The following RRBP1 variants were observed in gnomAD, a reference collection of about 807,000 sequenced individuals.
RRBP1 encodes the protein ribosome-binding protein 1.
In RRBP1, 94 loss-of-function variants were observed where a neutral mutation model predicts 165.2. That is an observed-to-expected ratio of 0.57 (90% CI 0.48 to 0.68). RRBP1 has a LOEUF of 0.68. Ranked by LOEUF, RRBP1 falls within the 30% of genes least tolerant of loss-of-function variation. The pLI, the probability that RRBP1 is intolerant of heterozygous loss-of-function variation, is 0.00. For missense variants in RRBP1, 1,676 were observed against 1,763.0 expected, an observed-to-expected ratio of 0.95 and a Z score of 0.88; for synonymous variants, 680 against 714.5, an observed-to-expected ratio of 0.95 and a Z score of 0.77.
In RRBP1 at chr20:17,659,993, G is replaced by C. The variant is rs150851231; in HGVS notation, c.515C>G (p.Thr172Ser). ...CACCATCGGCACCTCCTTGGGAGCA[G>C]TTTCCAAGATGGCAGCCTTCGAAGT... The part of the protein sequence containing the change: ...VLTSKAAILE[T>S]APKEVPMVVV... Residue 172 changes from threonine to serine, a missense_variant, in exon 3 of 25, where the codon ACT becomes AGT. Thr to Ser is a moderately conservative substitution (Grantham distance 58). This residue lies in a region of RRBP1 where 392 missense variants were observed against 382.5 expected (regional missense o/e 1.02). Coordinates refer to ENST00000377813, the MANE Select transcript of RRBP1 (RefSeq NM_001365613.2). 2.5e-6 allele frequency: 4 copies of C among 1,611,238 alleles called. No individual in the cohort carries two copies. In the African/African-American group the frequency reaches 5.3e-5, roughly 22 times the overall value.
At chr20:17,638,186 T>A (rs1255159316) in intron 5 of RRBP1, among the ~76,000 whole-genome samples, 1 of 152,222 alleles carries the variant, frequency 6.6e-6, no homozygotes, top group East Asian at 1.9e-4. Context: ...ACCGGCCCAC[T>A]GCTGGCAGAC....
chr20:17,624,732 G>A, intron 12 of RRBP1, 64 bp from the exon 13 acceptor site: 1 of 1,217,952 alleles, frequency 8.2e-7, no homozygotes, highest in Admixed American at 2.0e-5. Context: ...CTAAGCTGGT[G>A]TCAGACAGGA....
intron 3 of RRBP1, among the ~76,000 whole-genome samples, chr20:17,657,802 T>C (rs1005145949): frequency 1.8e-4 from 28 of 152,218 alleles, no homozygotes; most frequent in Non-Finnish European, 2.9e-4. Flanking sequence ...TAATGCTCTA[T>C]AATGCTTTAC....
chr20:17,621,986 G>A, intron 13 of RRBP1, 39 bp from the exon 14 acceptor site: 3 of 1,524,950 alleles, frequency 2.0e-6, no homozygotes, highest in Middle Eastern at 1.7e-4. Context: ...GTGTTCAGCT[G>A]TGGAGGTGTG....
intron 3 of RRBP1, among the ~76,000 whole-genome samples, chr20:17,647,158 A>C (rs545014118): frequency 1.3e-5 from 2 of 152,252 alleles, no homozygotes; most frequent in African/African-American, 2.4e-5. Context: ...CTCTAGACAC[A>C]AAGTATGTAC....
intron 24 of RRBP1, 125 bp downstream of exon 24, chr20:17,614,612 G>GC: frequency 4.0e-6 from 5 of 1,252,874 alleles, no homozygotes; most frequent in Non-Finnish European, 4.4e-6. Context: ...GCCTCCCCTG[G>GC]GGCTCCCAGC....
At chr20:17,653,101 C>T (rs1234907291) in intron 3 of RRBP1, among the ~76,000 whole-genome samples, 2 of 152,216 alleles carry the variant, frequency 1.3e-5, no homozygotes, top group South Asian at 2.1e-4. Context: ...CAAGGCAAAA[C>T]GGCCAAGCAT....
intron 20 of RRBP1, among the ~76,000 whole-genome samples, chr20:17,618,344 G>C (rs1373204047): frequency 1.3e-5 from 2 of 152,188 alleles, no homozygotes; most frequent in African/African-American, 2.4e-5. Flanking sequence ...CCTTGAACAG[G>C]GGACCAGGTA....
At position 17,615,044 on chromosome 20, in the gene RRBP1, C is replaced by T. The variant is rs150009852; in HGVS notation, c.4051-164G>A. ...GGTGGTGACGACAGGGAGGAAACCG[C>T]CCATGCTGACCGTGAGGGCTGGGTC... On this transcript the variant is annotated intron_variant, in intron 23 of 24. Coordinates refer to ENST00000377813, the MANE Select transcript of RRBP1 (RefSeq NM_001365613.2). Among the ~76,000 whole-genome samples the T allele has an allele frequency of 5.2e-3, 795 of 152,284 alleles. 7 individuals carry two copies. The highest frequency in any genetic ancestry group is 0.019 in the African/African-American group (770 of 41,560).
intron 3 of RRBP1, among the ~76,000 whole-genome samples, chr20:17,649,274 G>A (rs1180870625): frequency 2.0e-5 from 3 of 152,190 alleles, no homozygotes; most frequent in Non-Finnish European, 2.9e-5. Context: ...AACTGCCGGC[G>A]AGAAGGGCAC....
intron 2 of RRBP1, among the ~76,000 whole-genome samples, chr20:17,665,122 C>CGGG (rs1568786914): frequency 2.0e-5 from 3 of 150,686 alleles, no homozygotes; most frequent in African/African-American, 7.4e-5. Context: ...GGGGGGGGGA[C>CGGG]ACACACACAT....
intron 2 of RRBP1, among the ~76,000 whole-genome samples, chr20:17,675,262 T>C (rs1369807051): frequency 6.6e-6 from 1 of 152,244 alleles, no homozygotes; most frequent in African/African-American, 2.4e-5. Context: ...GGCTCTGGAA[T>C]ATGTTTTTGT....
chr20:17,642,904 G>A, intron 4 of RRBP1, 75 bp downstream of exon 4: 1 of 1,471,944 alleles, frequency 6.8e-7, no homozygotes, highest in Non-Finnish European at 9.4e-7. Flanking sequence ...TCCTCTCTGT[G>A]GCAGAGGGAA....
rs1203810743 is a variant in RRBP1, at chr20:17,642,997, AATG to A, written c.2040_2042del (p.Ile681del). 2 of 1,613,912 alleles carry A rather than the reference AATG, an allele frequency of 1.2e-6. No individual in the cohort carries two copies. Among genetic ancestry groups the A allele is most frequent in the African/African-American group, 2.7e-5 (2 of 74,928 alleles). ...GGCCCACCTTGTGCCAGGTGTCCTGAATGATGCCAGCCTTCTCAGACAGGATCT... is the reference window on the plus strand; with the variant it reads ...GGCCCACCTTGTGCCAGGTGTCCTGAATGCCAGCCTTCTCAGACAGGATCT... On this transcript the variant is annotated inframe_deletion, in exon 4 of 25. Coordinates refer to ENST00000377813, the MANE Select transcript of RRBP1 (RefSeq NM_001365613.2).
chr20:17,679,279 G>A (rs1202911842), intron 2 of RRBP1, among the ~76,000 whole-genome samples: 1 of 152,236 alleles, frequency 6.6e-6, no homozygotes. Context: ...CAATGAGACA[G>A]CTGGGAATAG....
chr20:17,635,498 C>G (rs183842745), intron 7 of RRBP1, 48 bp downstream of exon 7: 3 of 1,412,734 alleles, frequency 2.1e-6, no homozygotes, highest in Middle Eastern at 2.1e-4. Flanking sequence ...AAGCCTTCCT[C>G]GCTCCAGGGC....
At chr20:17,654,421 T>G (rs1055963107) in intron 3 of RRBP1, among the ~76,000 whole-genome samples, 1 of 152,240 alleles carries the variant, frequency 6.6e-6, no homozygotes, top group African/African-American at 2.4e-5. Context: ...TGGATAAACT[T>G]GGAGGCTTAC....
At chr20:17,639,328 G>A (rs117644092) in intron 5 of RRBP1, among the ~76,000 whole-genome samples, 1,746 of 152,336 alleles carry the variant, frequency 0.011, 16 homozygotes, top group Admixed American at 0.019. Context: ...TACAGCAGAT[G>A]ATCCAAATTT....
intron 3 of RRBP1, among the ~76,000 whole-genome samples, chr20:17,644,428 A>G (rs575027412): frequency 9.6e-4 from 147 of 152,354 alleles, no homozygotes; most frequent in Non-Finnish European, 1.8e-3. Flanking sequence ...CCAAAAGAAA[A>G]TAAAAACATG....
Sources: allele counts gnomAD v4.1 joint callset (sites outside exome capture counted in the v4.1 genomes callset), GRCh38; gene constraint gnomAD v4.1.1; regional missense constraint gnomAD v4.1.1; transcripts MANE v1.5; gene names NCBI Gene and HGNC (gene_info 2026-07-23, HGNC 2026-07-21).